TTC28: variants seen among roughly 807,000 people sequenced by gnomAD.
TTC28 encodes the protein tetratricopeptide repeat protein 28.
In TTC28, 61 loss-of-function variants were observed where a neutral mutation model predicts 198.0. The observed-to-expected ratio is 0.31, with a 90% CI of 0.25 to 0.38. The LOEUF (loss-of-function observed/expected upper bound fraction) is 0.38. Among genes scored for constraint, TTC28 ranks in the 10% least tolerant of loss-of-function variants. The probability of loss-of-function intolerance (pLI) is 1.00; values close to 1 mark genes in which losing one functional copy is unlikely to be tolerated. For synonymous variants in TTC28, 1,171 were observed against 1,297.8 expected, an observed-to-expected ratio of 0.90 and a Z score of 2.10; for missense variants, 2,678 against 3,164.0, an observed-to-expected ratio of 0.85 and a Z score of 3.69.
chr22:28,032,267 A>AGT (rs370005298), intron 12 of TTC28, among the ~76,000 whole-genome samples: 6,555 of 78,630 alleles, frequency 0.083, 455 homozygotes, highest in African/African-American at 0.1. Flanking sequence ...ATATATATAT[A>AGT]GTGTGTGTGT....
At chr22:28,597,976 C>G (rs2146109849) in intron 2 of TTC28, among the ~76,000 whole-genome samples, 1 of 152,046 alleles carries the variant, frequency 6.6e-6, no homozygotes, top group Non-Finnish European at 1.5e-5. Flanking sequence ...AATCCTCCAG[C>G]CTCAGCCTCC....
chr22:28,479,425 AC>A (rs1268232075), intron 2 of TTC28, among the ~76,000 whole-genome samples: 2 of 152,114 alleles, frequency 1.3e-5, no homozygotes, highest in Non-Finnish European at 2.9e-5. Flanking sequence ...TAACTCTCAA[AC>A]CAAAAATAGT....
At chr22:28,026,970 T>C (rs1938859700) in intron 13 of TTC28, among the ~76,000 whole-genome samples, 2 of 152,142 alleles carry the variant, frequency 1.3e-5, no homozygotes, top group Non-Finnish European at 2.9e-5. Flanking sequence ...ACCAACGCAG[T>C]CCCTGTAGTC....
intron 1 of TTC28, among the ~76,000 whole-genome samples, chr22:28,649,363 T>A (rs2146258630): frequency 6.6e-6 from 1 of 152,214 alleles, no homozygotes; most frequent in Non-Finnish European, 1.5e-5. Flanking sequence ...CCCCAAAAGC[T>A]ATTGAAATAA....
chr22:27,989,727 G>A (rs1601486006), intron 21 of TTC28, 151 bp downstream of exon 21: 8 of 1,034,380 alleles, frequency 7.7e-6, no homozygotes, highest in East Asian at 3.0e-5. Context: ...GATTACATGC[G>A]TGAGCCACTG....
chr22:28,194,581 T>TA (rs1006994548), intron 5 of TTC28, among the ~76,000 whole-genome samples: 19 of 151,422 alleles, frequency 1.3e-4, no homozygotes, highest in African/African-American at 4.1e-4. Flanking sequence ...ATAGATGCAA[T>TA]AAAAAAATGA....
At chr22:28,464,482 G>C (rs1198449325) in intron 2 of TTC28, among the ~76,000 whole-genome samples, 4 of 152,080 alleles carry the variant, frequency 2.6e-5, no homozygotes, top group Non-Finnish European at 4.4e-5. Context: ...TCATTTTCCT[G>C]ATTACCTGCA....
chr22:28,413,622 C>T (rs1011725150), intron 2 of TTC28, among the ~76,000 whole-genome samples: 1 of 152,096 alleles, frequency 6.6e-6, no homozygotes. Flanking sequence ...TATAGAAAAA[C>T]ATAACTTATT....
At chr22:28,614,751 C>A (rs1161356616) in intron 2 of TTC28, among the ~76,000 whole-genome samples, 1 of 152,126 alleles carries the variant, frequency 6.6e-6, no homozygotes, top group African/African-American at 2.4e-5. Context: ...ATGCAAAAAA[C>A]CGAAACTGGA....
intron 1 of TTC28, among the ~76,000 whole-genome samples, chr22:28,641,301 C>T (rs892234384): frequency 5.3e-5 from 8 of 150,660 alleles, no homozygotes; most frequent in South Asian, 2.1e-4. Flanking sequence ...TCCAGCCTGG[C>T]GACAGAGCAA....
rs144204094 is a variant in TTC28, at chr22:28,449,335, G to T, written c.382-142692C>A. On this transcript the variant is annotated intron_variant, in intron 2 of 22. Coordinates refer to ENST00000397906, the MANE Select transcript of TTC28 (RefSeq NM_001145418.2). ...ATCTAATAGATCTGAAATCTATAATGCAAGCCAAGCTGTAATGACCTGTGG... is the reference window on the plus strand; with the variant it reads ...ATCTAATAGATCTGAAATCTATAATTCAAGCCAAGCTGTAATGACCTGTGG... Among the ~76,000 whole-genome samples the T allele has an allele frequency of 1.5e-3, 225 of 152,326 alleles. 2 individuals are homozygous for T. The highest frequency in any genetic ancestry group is 5.1e-3 in the African/African-American group (213 of 41,578).
At chr22:28,072,117 G>T (rs1227057779) in intron 12 of TTC28, among the ~76,000 whole-genome samples, 1 of 152,230 alleles carries the variant, frequency 6.6e-6, no homozygotes, top group Admixed American at 6.5e-5. Flanking sequence ...AGGAGTGGAA[G>T]TGGATAGGAA....
chr22:28,384,083 C>T (rs2046536434), intron 2 of TTC28, among the ~76,000 whole-genome samples: 1 of 152,150 alleles, frequency 6.6e-6, no homozygotes, highest in Non-Finnish European at 1.5e-5. Flanking sequence ...GGTCCCTCTG[C>T]CTAGATTACT....
At chr22:28,206,898 G>A (rs548190625) in intron 5 of TTC28, among the ~76,000 whole-genome samples, 10 of 152,270 alleles carry the variant, frequency 6.6e-5, no homozygotes, top group South Asian at 2.1e-4. Flanking sequence ...GGAGAAGTCC[G>A]TACCTACTCC....
chr22:28,126,425 C>G (rs1447588321), intron 6 of TTC28, among the ~76,000 whole-genome samples: 2 of 152,200 alleles, frequency 1.3e-5, no homozygotes, highest in African/African-American at 4.8e-5. Flanking sequence ...ATCCTGCTCT[C>G]TACAATGGTT....
chr22:28,235,183 C>G (rs1436903620), intron 5 of TTC28, among the ~76,000 whole-genome samples: 2 of 151,406 alleles, frequency 1.3e-5, no homozygotes, highest in Non-Finnish European at 2.9e-5. Flanking sequence ...CCAGACTTCA[C>G]TGCTCTTTGT....
At chr22:28,178,499 A>G (rs1923391537) in intron 5 of TTC28, among the ~76,000 whole-genome samples, 1 of 151,994 alleles carries the variant, frequency 6.6e-6, no homozygotes, top group Non-Finnish European at 1.5e-5. Context: ...AGGGGGAGGT[A>G]ATTTGAAAAT....
At chr22:28,071,748 G>GGA (rs1940982259) in intron 12 of TTC28, among the ~76,000 whole-genome samples, 1 of 91,134 alleles carries the variant, frequency 1.1e-5, no homozygotes, top group African/African-American at 3.9e-5. Context: ...AAAAAAAAAG[G>GGA]AAAAAAAAAA....
At chr22:28,142,289 T>A (rs1943356674) in intron 6 of TTC28, among the ~76,000 whole-genome samples, 1 of 152,168 alleles carries the variant, frequency 6.6e-6, no homozygotes. Flanking sequence ...AATCGAATAC[T>A]CAACAATTCC....
Sources: allele counts gnomAD v4.1 joint callset (sites outside exome capture counted in the v4.1 genomes callset), GRCh38; gene constraint gnomAD v4.1.1; transcripts MANE v1.5; gene names NCBI Gene and HGNC (gene_info 2026-07-23, HGNC 2026-07-21).